SIPA1L1: variants seen among roughly 807,000 people sequenced by gnomAD.
SIPA1L1 encodes signal-induced proliferation-associated 1-like protein 1.
A neutral mutation model predicts 162.7 loss-of-function variants in SIPA1L1; 26 were observed. The observed-to-expected ratio is 0.16, with a 90% confidence interval of 0.12 to 0.22. The LOEUF (loss-of-function observed/expected upper bound fraction) is 0.22. SIPA1L1 is among the 10% of genes least tolerant of loss of function. The pLI is 1.00. For missense variants in SIPA1L1, 1,874 were observed against 2,241.0 expected, an observed-to-expected ratio of 0.84 and a Z score of 3.31; for synonymous variants, 829 against 837.4, an observed-to-expected ratio of 0.99 and a Z score of 0.17.
intron 5 of SIPA1L1, among the ~76,000 whole-genome samples, chr14:71,617,414 G>A (rs149732863): frequency 5.9e-4 from 90 of 152,310 alleles, no homozygotes; most frequent in African/African-American, 2.0e-3. Flanking sequence ...ATAAGTGTCT[G>A]TACATGAATT....
At chr14:71,715,527 C>T (rs1217420610) in intron 17 of SIPA1L1, among the ~76,000 whole-genome samples, 1 of 152,202 alleles carries the variant, frequency 6.6e-6, no homozygotes, top group Non-Finnish European at 1.5e-5. Flanking sequence ...TGGTAATGTG[C>T]CATGTCATAC....
intron 2 of SIPA1L1, among the ~76,000 whole-genome samples, chr14:71,322,610 AT>A (rs2033196274): frequency 6.6e-6 from 1 of 152,248 alleles, no homozygotes; most frequent in Non-Finnish European, 1.5e-5. Context: ...CATGGAATCA[AT>A]TATGCTAAAG....
chr14:71,737,803 T>C (rs2085434513), intron 22 of SIPA1L1, among the ~76,000 whole-genome samples: 2 of 152,152 alleles, frequency 1.3e-5, no homozygotes, highest in Non-Finnish European at 2.9e-5. Context: ...AGAGACGACC[T>C]GCCTATCACA....
intron 2 of SIPA1L1, among the ~76,000 whole-genome samples, chr14:71,367,321 T>C (rs866450672): frequency 1.6e-3 from 238 of 146,642 alleles, no homozygotes; most frequent in Middle Eastern, 6.8e-3. Context: ...TTTTTTTTTT[T>C]CCCGATATGG....
At chr14:71,446,906 GTT>G (rs1189940440) in intron 2 of SIPA1L1, among the ~76,000 whole-genome samples, 2 of 53,244 alleles carry the variant, frequency 3.8e-5, no homozygotes, top group African/African-American at 8.4e-5. Context: ...TTTTTTTTTT[GTT>G]TTTTTTTTTT....
At chr14:71,538,629 G>C (rs2054111756) in intron 4 of SIPA1L1, among the ~76,000 whole-genome samples, 2 of 152,172 alleles carry the variant, frequency 1.3e-5, no homozygotes, top group Admixed American at 1.3e-4. Context: ...GGGTCATGGT[G>C]CTTTTTGGAG....
chr14:71,396,199 T>C (rs181716230), intron 2 of SIPA1L1, among the ~76,000 whole-genome samples: 1 of 152,326 alleles, frequency 6.6e-6, no homozygotes, highest in East Asian at 1.9e-4. Context: ...TGAGGACTTA[T>C]TCTGTGCCAG....
At chr14:71,658,742 C>T (rs1338681319) in intron 9 of SIPA1L1, among the ~76,000 whole-genome samples, 1 of 152,186 alleles carries the variant, frequency 6.6e-6, no homozygotes, top group African/African-American at 2.4e-5. Context: ...CATGACTCTG[C>T]AGGGTTGCAA....
chr14:71,688,615 T>C (rs1179142228), intron 13 of SIPA1L1, among the ~76,000 whole-genome samples: 1 of 152,184 alleles, frequency 6.6e-6, no homozygotes, highest in Non-Finnish European at 1.5e-5. Flanking sequence ...AAATACCTTA[T>C]TGAGATACAG....
At chr14:71,688,214 G>A (rs1216591561) in intron 13 of SIPA1L1, among the ~76,000 whole-genome samples, 1 of 152,164 alleles carries the variant, frequency 6.6e-6, no homozygotes, top group East Asian at 1.9e-4. Context: ...TCTGAAATCT[G>A]TAATACTACA....
chr14:71,508,497 C>A (rs577029442), intron 2 of SIPA1L1, among the ~76,000 whole-genome samples: 35 of 152,140 alleles, frequency 2.3e-4, no homozygotes, highest in Non-Finnish European at 4.7e-4. Context: ...TGTTTATAAG[C>A]CGAAGAGAAG....
chr14:71,428,841 G>C (rs1331670593), intron 2 of SIPA1L1, among the ~76,000 whole-genome samples: 1 of 152,224 alleles, frequency 6.6e-6, no homozygotes, highest in African/African-American at 2.4e-5. Flanking sequence ...TGTGTGCCCA[G>C]CTACCTGCCC....
At chr14:71,547,168 T>A (rs1366229904) in intron 4 of SIPA1L1, among the ~76,000 whole-genome samples, 3 of 152,152 alleles carry the variant, frequency 2.0e-5, no homozygotes, top group Non-Finnish European at 2.9e-5. Flanking sequence ...ATGTTATATG[T>A]GTTAGAAACT....
At chr14:71,676,108 G>A (rs2045142964) in intron 12 of SIPA1L1, among the ~76,000 whole-genome samples, 1 of 139,434 alleles carries the variant, frequency 7.2e-6, no homozygotes, top group African/African-American at 2.6e-5. Context: ...GACCTCAAAT[G>A]ATTCACCAGC....
chr14:71,379,931 A>AT (rs929041850), intron 2 of SIPA1L1, among the ~76,000 whole-genome samples: 2 of 152,136 alleles, frequency 1.3e-5, no homozygotes, highest in Admixed American at 6.5e-5. Context: ...ATGATTAGCT[A>AT]TTTTTTGTGT....
chr14:71,677,491 G>A (rs927758164), intron 12 of SIPA1L1, among the ~76,000 whole-genome samples: 27 of 152,158 alleles, frequency 1.8e-4, no homozygotes, highest in African/African-American at 2.9e-4. Context: ...GATCCCATTT[G>A]TCTATTTTGG....
At position 71,437,713 on chromosome 14, in the gene SIPA1L1, A is replaced by G. The variant is rs114602602; in HGVS notation, c.-464-75030A>G. On this transcript the variant is annotated intron_variant, in intron 2 of 23. Coordinates refer to ENST00000381232, the MANE Select transcript of SIPA1L1 (RefSeq NM_001386936.1). ...ACTACAGAGAGCAGTTACTCATCATACTACCTCTATCACAACAAACATTTC... is the reference window on the plus strand; with the variant it reads ...ACTACAGAGAGCAGTTACTCATCATGCTACCTCTATCACAACAAACATTTC... 2.6e-3 allele frequency among the ~76,000 whole-genome samples: 403 copies of G among 152,296 alleles called. 3 individuals are homozygous for G. The highest frequency in any genetic ancestry group is 9.6e-3 in the African/African-American group (397 of 41,554).
intron 4 of SIPA1L1, among the ~76,000 whole-genome samples, chr14:71,531,194 T>C (rs191433450): frequency 1.7e-3 from 257 of 152,330 alleles, no homozygotes; most frequent in African/African-American, 5.9e-3. Flanking sequence ...GTGTGTTGGT[T>C]GCTGTTTCAT....
intron 2 of SIPA1L1, among the ~76,000 whole-genome samples, chr14:71,423,438 G>A (rs1403922055): frequency 6.6e-6 from 1 of 152,088 alleles, no homozygotes; most frequent in Non-Finnish European, 1.5e-5. Context: ...ATGTTTTCCT[G>A]TGAGAGCTTT....
Sources: gnomAD v4.1 joint callset for allele counts (sites outside exome capture counted in the v4.1 genomes callset) on GRCh38, gnomAD v4.1.1 for gene constraint, MANE v1.5 for transcripts, NCBI Gene and HGNC (gene_info 2026-07-23, HGNC 2026-07-21) for gene names.